EPHB1: variants seen among roughly 807,000 people sequenced by gnomAD.
The protein encoded by EPHB1 is EPH receptor B1, also known as ephrin type-B receptor 1.
EPHB1 carries 30 observed loss-of-function variants against 94.4 expected under a neutral mutation model. That is an observed-to-expected ratio of 0.32 (90% CI 0.24 to 0.43). EPHB1 has a LOEUF of 0.43. EPHB1 is among the 20% of genes least tolerant of loss of function. The pLI is 1.00. For missense variants in EPHB1, 1,055 were observed against 1,308.3 expected, an observed-to-expected ratio of 0.81 and a Z score of 2.99; for synonymous variants, 522 against 489.1, an observed-to-expected ratio of 1.07 and a Z score of -0.89.
chr3:134,928,431 C>A (rs1196952550), intron 2 of EPHB1, among the ~76,000 whole-genome samples: 1 of 152,162 alleles, frequency 6.6e-6, no homozygotes, highest in Non-Finnish European at 1.5e-5. Flanking sequence ...TCCGGGGTGG[C>A]CAGGACTCTA....
rs143461138 is a variant in EPHB1, at chr3:135,236,220, A to G, written c.2347-4928A>G. 2.3e-4 allele frequency among the ~76,000 whole-genome samples: 35 copies of G among 152,306 alleles called. 1 individual carries two copies. The East Asian group carries it at 6.2e-3, about 27-fold the overall frequency. On this transcript the variant is annotated intron_variant, in intron 12 of 15. Transcript: ENST00000398015. ...ATCCTATGCCTCTCTCCTAGTTGCC[A>G]TCAATTCTTGATATAACTTGGTTTG...
At chr3:134,827,273 T>G (rs2073969845) in intron 1 of EPHB1, among the ~76,000 whole-genome samples, 1 of 152,176 alleles carries the variant, frequency 6.6e-6, no homozygotes, top group Non-Finnish European at 1.5e-5. Flanking sequence ...GTCTAGTGCT[T>G]CTTCTTCTCT....
chr3:135,119,700 T>A (rs996446568), intron 4 of EPHB1, among the ~76,000 whole-genome samples: 7 of 152,168 alleles, frequency 4.6e-5, no homozygotes, highest in Non-Finnish European at 8.8e-5. Flanking sequence ...GATCCCCCTG[T>A]CTTGGCCTCC....
chr3:135,249,088 A>G (rs962427464), intron 14 of EPHB1, among the ~76,000 whole-genome samples: 2 of 152,202 alleles, frequency 1.3e-5, no homozygotes, highest in African/African-American at 4.8e-5. Flanking sequence ...ACTGAACGCT[A>G]TGTCAACCTG....
intron 1 of EPHB1, among the ~76,000 whole-genome samples, chr3:134,895,004 C>T (rs1277018912): frequency 2.6e-5 from 4 of 152,224 alleles, no homozygotes; most frequent in Non-Finnish European, 5.9e-5. Context: ...TGCCTCCAGC[C>T]TTGGGCTTCT....
At chr3:135,229,455 AAG>A (rs1368526284) in intron 12 of EPHB1, among the ~76,000 whole-genome samples, 1 of 152,200 alleles carries the variant, frequency 6.6e-6, no homozygotes. Flanking sequence ...CGGGGGCAGG[AAG>A]AGAGACTAGA....
At chr3:134,817,447 A>G (rs867607778) in intron 1 of EPHB1, among the ~76,000 whole-genome samples, 8 of 152,184 alleles carry the variant, frequency 5.3e-5, no homozygotes, top group African/African-American at 1.4e-4. Flanking sequence ...TGGGTGGCAC[A>G]CTTCCCTGTC....
chr3:134,851,578 C>A (rs1235116657), intron 1 of EPHB1, among the ~76,000 whole-genome samples: 72 of 152,234 alleles, frequency 4.7e-4, no homozygotes, highest in Non-Finnish European at 1.5e-5. Flanking sequence ...TTGGCCTCTG[C>A]AGTCTTGTTC....
At chr3:134,929,566 A>T (rs2038864193) in intron 2 of EPHB1, among the ~76,000 whole-genome samples, 2 of 152,204 alleles carry the variant, frequency 1.3e-5, no homozygotes, top group African/African-American at 4.8e-5. Context: ...CCAGGGGCTG[A>T]GGATGCTGGC....
At chr3:134,822,455 A>G (rs2036400416) in intron 1 of EPHB1, among the ~76,000 whole-genome samples, 1 of 152,172 alleles carries the variant, frequency 6.6e-6, no homozygotes, top group Non-Finnish European at 1.5e-5. Context: ...ACTAACCAAC[A>G]TATATTTATT....
chr3:135,083,580 G>A (rs925732675), intron 3 of EPHB1, among the ~76,000 whole-genome samples: 2 of 151,864 alleles, frequency 1.3e-5, no homozygotes, highest in African/African-American at 4.8e-5. Context: ...GGCATGAAAT[G>A]AGACTGAGGG....
intron 3 of EPHB1, among the ~76,000 whole-genome samples, chr3:135,003,209 G>A (rs1490145998): frequency 1.3e-5 from 2 of 150,440 alleles, no homozygotes; most frequent in African/African-American, 2.4e-5. Flanking sequence ...CCTTCATTTC[G>A]TTACGTACCC....
chr3:134,796,889 G>C (rs1049022108), intron 1 of EPHB1, among the ~76,000 whole-genome samples: 3 of 152,246 alleles, frequency 2.0e-5, no homozygotes, highest in Non-Finnish European at 2.9e-5. Flanking sequence ...CGCTCCGCTT[G>C]TTACTCGTTC....
At chr3:135,169,558 A>G (rs1319621065) in intron 9 of EPHB1, among the ~76,000 whole-genome samples, 1 of 152,156 alleles carries the variant, frequency 6.6e-6, no homozygotes, top group Non-Finnish European at 1.5e-5. Flanking sequence ...TAAAGCTATT[A>G]CTGTTGGAGA....
chr3:135,007,430 G>A lies in EPHB1; in HGVS notation c.805+55378G>A, dbSNP rs537587364. ...CCAATTACCTGCAAAAATAAAGCCC[G>A]AAATAATGGCAAGTGGATTCATGAA... is the stretch of plus-strand genomic sequence containing the variant. On this transcript the variant is annotated intron_variant, in intron 3 of 15. Transcript: ENST00000398015. Among the ~76,000 whole-genome samples, 57 of 152,264 alleles carry A rather than the reference G, an allele frequency of 3.7e-4. 1 individual carries two copies. Among genetic ancestry groups the A allele is most frequent in the Non-Finnish European group, 6.2e-4 (42 of 68,010 alleles).
At chr3:134,843,499 G>GT (rs373675481) in intron 1 of EPHB1, among the ~76,000 whole-genome samples, 9 of 152,010 alleles carry the variant, frequency 5.9e-5, no homozygotes, top group South Asian at 4.1e-4. Flanking sequence ...CTATCTGGAA[G>GT]TTTTTTTATC....
intron 1 of EPHB1, among the ~76,000 whole-genome samples, chr3:134,862,387 C>G (rs965222119): frequency 1.3e-5 from 2 of 151,790 alleles, no homozygotes; most frequent in Non-Finnish European, 2.9e-5. Flanking sequence ...CTAAAACAGA[C>G]TTTCATATGA....
At chr3:135,256,122 G>A (rs1487721950) in intron 15 of EPHB1, among the ~76,000 whole-genome samples, 3 of 152,164 alleles carry the variant, frequency 2.0e-5, no homozygotes, top group African/African-American at 7.2e-5. Context: ...CTTTGCACAT[G>A]AGATGGGTTT....
At chr3:134,947,770 G>T (rs1426635595) in intron 2 of EPHB1, among the ~76,000 whole-genome samples, 1 of 152,120 alleles carries the variant, frequency 6.6e-6, no homozygotes, top group Non-Finnish European at 1.5e-5. Flanking sequence ...GCTCCCATAG[G>T]AGAGTAGAAA....
Sources: allele counts gnomAD v4.1 joint callset (sites outside exome capture counted in the v4.1 genomes callset), GRCh38; gene constraint gnomAD v4.1.1; transcripts MANE v1.5; gene names NCBI Gene and HGNC (gene_info 2026-07-23, HGNC 2026-07-21).